The following TOX2 variants were observed in gnomAD, a reference collection of about 807,000 sequenced individuals.
TOX2 encodes TOX high mobility group box family member 2, also known as granulosa cell HMG box 1.
Under a neutral mutation model 47.4 loss-of-function variants are expected in TOX2, and 15 were observed. The observed-to-expected ratio is 0.32, with a 90% CI of 0.21 to 0.49. The LOEUF (loss-of-function observed/expected upper bound fraction) is 0.49. Ranked by LOEUF, TOX2 falls within the 20% of genes least tolerant of loss-of-function variation. The probability of loss-of-function intolerance (pLI) is 0.99; values close to 1 mark genes in which losing one functional copy is unlikely to be tolerated. For missense variants in TOX2, 622 were observed against 673.1 expected, an observed-to-expected ratio of 0.92 and a Z score of 0.84; for synonymous variants, 290 against 296.6, an observed-to-expected ratio of 0.98 and a Z score of 0.23.
rs180885379 is a variant in TOX2 at position 44,013,510 on chromosome 20, C to T, written c.411+6718C>T. The stretch of plus-strand genomic sequence containing the variant: ...AGGGGGCAGTAGGGACCCCCTAGTC[C>T]AACCCATTCATTTCATTACTCTTAA... On this transcript the variant is annotated intron_variant, in intron 3 of 8. Transcript: ENST00000341197. 5.3e-5 allele frequency among the ~76,000 whole-genome samples: 8 copies of T among 152,354 alleles called. No homozygotes were observed. The East Asian group carries it at 1.5e-3, about 29-fold the overall frequency.
At chr20:43,937,419 G>A (rs1569013141) in intron 1 of TOX2, among the ~76,000 whole-genome samples, 2 of 152,112 alleles carry the variant, frequency 1.3e-5, no homozygotes, top group South Asian at 2.1e-4. Flanking sequence ...GGAGGGATTT[G>A]AGCATTGGGA....
intron 5 of TOX2, among the ~76,000 whole-genome samples, chr20:44,058,772 G>C (rs758947502): frequency 5.3e-5 from 8 of 152,150 alleles, no homozygotes; most frequent in Non-Finnish European, 1.2e-4. Flanking sequence ...AGCTCCGCTG[G>C]GTGGCTAGAT....
chr20:44,043,596 C>A (rs1356022530), intron 3 of TOX2, among the ~76,000 whole-genome samples: 1 of 152,214 alleles, frequency 6.6e-6, no homozygotes, highest in East Asian at 1.9e-4. Flanking sequence ...GTCAGGTTAA[C>A]CGTCTACAGA....
intron 3 of TOX2, among the ~76,000 whole-genome samples, chr20:44,045,138 G>GTTTACTA (rs1433045558): frequency 8.5e-5 from 13 of 152,162 alleles, no homozygotes; most frequent in African/African-American, 3.1e-4. Context: ...TTATTTACTA[G>GTTTACTA]GGATGGAGTG....
chr20:44,023,836 C>A (rs957343804), intron 3 of TOX2, among the ~76,000 whole-genome samples: 2 of 152,248 alleles, frequency 1.3e-5, no homozygotes, highest in African/African-American at 2.4e-5. Flanking sequence ...AGCACCTCCA[C>A]GTCCCGTGGG....
intron 3 of TOX2, among the ~76,000 whole-genome samples, chr20:44,038,459 C>G (rs1015184686): frequency 6.6e-6 from 1 of 152,068 alleles, no homozygotes; most frequent in Non-Finnish European, 1.5e-5. Flanking sequence ...TGAACATAGC[C>G]GTTGTTGCCA....
chr20:44,002,679 G>A lies in TOX2; in HGVS notation c.166-3868G>A, dbSNP rs188693370. Among the ~76,000 whole-genome samples, 214 of 152,278 alleles carry A rather than the reference G, an allele frequency of 1.4e-3. 1 individual carries two copies. The highest frequency in any genetic ancestry group is 5.0e-3 in the African/African-American group (209 of 41,544). On this transcript the variant is annotated intron_variant, in intron 2 of 8. Coordinates refer to ENST00000341197, the MANE Select transcript of TOX2 (RefSeq NM_001098797.2). The stretch of plus-strand genomic sequence containing the variant: ...CTGTATCAGCATGGCACCCACATCT[G>A]CTCAGCTTTTGATGAGGCCTCAGGA...
intron 5 of TOX2, among the ~76,000 whole-genome samples, chr20:44,057,113 A>G (rs2071633132): frequency 1.3e-5 from 2 of 152,148 alleles, no homozygotes; most frequent in Non-Finnish European, 2.9e-5. Context: ...TTGTAGAGAC[A>G]GGGTCTTGCT....
intron 1 of TOX2, among the ~76,000 whole-genome samples, chr20:43,955,813 C>G (rs2069659652): frequency 6.6e-6 from 1 of 152,214 alleles, no homozygotes; most frequent in Non-Finnish European, 1.5e-5. Context: ...AGTGTTTCTT[C>G]CCTGCCCAAG....
At chr20:44,035,202 C>T (rs77745668) in intron 3 of TOX2, among the ~76,000 whole-genome samples, 1,913 of 152,360 alleles carry the variant, frequency 0.013, 43 homozygotes, top group African/African-American at 0.043. Flanking sequence ...ATTCTGAACA[C>T]GTCCTCCCCT....
chr20:43,963,292 G>A (rs1285884681), intron 1 of TOX2, among the ~76,000 whole-genome samples: 2 of 152,200 alleles, frequency 1.3e-5, no homozygotes, highest in Non-Finnish European at 2.9e-5. Flanking sequence ...TGAAATAGGT[G>A]GCACCATCCA....
At chr20:44,040,788 G>C (rs967244025) in intron 3 of TOX2, among the ~76,000 whole-genome samples, 18 of 152,158 alleles carry the variant, frequency 1.2e-4, no homozygotes, top group Admixed American at 8.5e-4. Context: ...AGTCGCTGGT[G>C]GGGGGAGTGG....
At chr20:44,034,718 T>G (rs1481480048) in intron 3 of TOX2, among the ~76,000 whole-genome samples, 1 of 152,216 alleles carries the variant, frequency 6.6e-6, no homozygotes, top group Non-Finnish European at 1.5e-5. Context: ...CCTCTGCTTC[T>G]CCTTCCAGGA....
At chr20:43,954,946 G>C (rs1442830255) in intron 1 of TOX2, among the ~76,000 whole-genome samples, 6 of 152,140 alleles carry the variant, frequency 3.9e-5, no homozygotes, top group Non-Finnish European at 2.9e-5. Flanking sequence ...CGTGACTCCT[G>C]GTGCTTGATT....
intron 2 of TOX2, among the ~76,000 whole-genome samples, chr20:43,986,751 T>TA (rs992730083): frequency 1.3e-5 from 2 of 152,158 alleles, no homozygotes; most frequent in African/African-American, 4.8e-5. Context: ...TATGACTCAG[T>TA]AATTCAACTC....
At chr20:44,051,675 T>C (rs2071514898) in intron 4 of TOX2, 130 bp downstream of exon 4, 9 of 1,370,750 alleles carry the variant, frequency 6.6e-6, no homozygotes, top group Admixed American at 2.9e-5. Context: ...TCCCCGTAGG[T>C]GCCATTCCCA....
chr20:43,932,724 G>C (rs934386928), intron 1 of TOX2, among the ~76,000 whole-genome samples: 6 of 152,052 alleles, frequency 3.9e-5, no homozygotes, highest in African/African-American at 1.4e-4. Context: ...CCAGGATTGG[G>C]GGCCCGCACC....
intron 3 of TOX2, among the ~76,000 whole-genome samples, chr20:44,034,871 C>G (rs930446530): frequency 3.3e-5 from 5 of 152,228 alleles, no homozygotes; most frequent in Non-Finnish European, 7.3e-5. Flanking sequence ...CCTGTTGGCT[C>G]CCAAAACTTA....
At chr20:44,049,741 T>G (rs1159211616) in intron 3 of TOX2, among the ~76,000 whole-genome samples, 1 of 150,136 alleles carries the variant, frequency 6.7e-6, no homozygotes, top group South Asian at 2.1e-4. Flanking sequence ...AAACATGAGG[T>G]GTTTGGTTTT....
Sources: allele counts gnomAD v4.1 joint callset (sites outside exome capture counted in the v4.1 genomes callset), GRCh38; gene constraint gnomAD v4.1.1; transcripts MANE v1.5; gene names NCBI Gene and HGNC (gene_info 2026-07-23, HGNC 2026-07-21).